The following CAPN8 variants were observed in gnomAD, a reference collection of about 807,000 sequenced individuals.
CAPN8 encodes calpain 8.
CAPN8 carries 87 observed loss-of-function variants against 80.9 expected under a neutral mutation model. The ratio of observed to expected loss-of-function variants is 1.07; its 90% CI spans 0.90 to 1.28. The LOEUF (loss-of-function observed/expected upper bound fraction) is 1.28. Among genes scored for constraint, CAPN8 ranks in the 50% most tolerant of loss-of-function variants. CAPN8 has a pLI of 0.00. For synonymous variants in CAPN8, 299 were observed against 273.8 expected (o/e 1.09, Z -0.91); for missense variants, 757 against 702.0 (o/e 1.08, Z -0.89).
At chr1:223,642,295 TC>T (rs10707167) in intron 2 of CAPN8, among the ~76,000 whole-genome samples, 27,040 of 152,240 alleles carry the variant, frequency 0.18, 3,002 homozygotes, top group East Asian at 0.29. Flanking sequence ...CTGGTGTTTT[TC>T]TGAACAATGG....
intron 16 of CAPN8, among the ~76,000 whole-genome samples, chr1:223,547,027 C>T (rs2102687779): frequency 6.6e-6 from 1 of 152,266 alleles, no homozygotes; most frequent in Non-Finnish European, 1.5e-5. Flanking sequence ...GATTCTCGTG[C>T]TTCAGCCTCC....
chr1:223,658,153 C>T (rs1299561867), intron 1 of CAPN8, among the ~76,000 whole-genome samples: 1 of 152,170 alleles, frequency 6.6e-6, no homozygotes, highest in Admixed American at 6.5e-5. Flanking sequence ...CTCATGGCTT[C>T]AACTATTAAC....
chr1:223,544,749 C>T (rs1656572019), intron 18 of CAPN8, 23 bp downstream of exon 18: 1 of 1,551,430 alleles, frequency 6.4e-7, no homozygotes, highest in South Asian at 1.2e-5. Flanking sequence ...TCCCAAGACC[C>T]TGTCTACAGG....
intron 1 of CAPN8, among the ~76,000 whole-genome samples, chr1:223,659,159 C>T (rs150205154): frequency 6.6e-6 from 1 of 152,334 alleles, no homozygotes; most frequent in East Asian, 1.9e-4. Flanking sequence ...ATACAGGTAT[C>T]AGTCAAGAAT....
At chr1:223,643,651 C>T (rs1658105292) in intron 2 of CAPN8, among the ~76,000 whole-genome samples, 1 of 152,262 alleles carries the variant, frequency 6.6e-6, no homozygotes, top group African/African-American at 2.4e-5. Context: ...GCCTTTCAAT[C>T]AGAAGCCACT....
Position 223,545,264 on chromosome 1 carries a change from G to A in CAPN8, c.1800C>T (p.Phe600=). 6.4e-7 allele frequency: 1 copy of A among 1,551,646 alleles called. No homozygotes were observed. The highest frequency in any genetic ancestry group is 1.2e-5 in the South Asian group (1 of 84,052). ...TCTGAATCTTCAGCCAGAGCGTCTT[G>A]AATTCCACCGCCCCCAAAGTGCCCG... The part of the protein sequence containing the change: ...NGTGTLGAVE[F]KTLWLKIQKY... Residue 600 remains phenylalanine (F), a synonymous_variant, in exon 17 of 21, where the codon TTC becomes TTT. Transcript: ENST00000366872.
chr1:223,619,288 C>G lies in CAPN8; in HGVS notation c.1135+5G>C, dbSNP rs1395560056. Reference sequence around the variant, plus strand: ...AGGTTGGGCCAAGGCAGCCCTTCACCTTACCTGGGTAGTTCTGGCAGCCCC... The same window carrying G: ...AGGTTGGGCCAAGGCAGCCCTTCACGTTACCTGGGTAGTTCTGGCAGCCCC... On this transcript the variant is annotated splice_donor_5th_base_variant and intron_variant, in intron 9 of 20. Transcript: ENST00000366872. 2.6e-6 allele frequency: 4 copies of G among 1,551,440 alleles called. No homozygotes were observed. Among genetic ancestry groups the G allele is most frequent in the Non-Finnish European group, 2.6e-6 (3 of 1,146,976 alleles).
At chr1:223,624,996 G>A (rs576025031) in intron 6 of CAPN8, among the ~76,000 whole-genome samples, 6 of 152,266 alleles carry the variant, frequency 3.9e-5, no homozygotes, top group Non-Finnish European at 4.4e-5. Flanking sequence ...AGGAGGCTGA[G>A]GCAGGAGAAT....
At chr1:223,646,903 C>G (rs1658208186) in intron 2 of CAPN8, among the ~76,000 whole-genome samples, 1 of 152,118 alleles carries the variant, frequency 6.6e-6, no homozygotes, top group Admixed American at 6.5e-5. Context: ...TTTTAACAAG[C>G]AACACTCTAA....
chr1:223,652,393 A>T (rs1415527345), intron 2 of CAPN8, among the ~76,000 whole-genome samples: 1 of 152,150 alleles, frequency 6.6e-6, no homozygotes, highest in Non-Finnish European at 1.5e-5. Context: ...AGCAGATGAC[A>T]CAGATGACAA....
chr1:223,633,272 T>A (rs1657824389), intron 2 of CAPN8, among the ~76,000 whole-genome samples: 1 of 151,894 alleles, frequency 6.6e-6, no homozygotes, highest in Admixed American at 6.6e-5. Context: ...CAAAATAAAG[T>A]TGGGAATAGC....
rs1399419976 is a variant in CAPN8 at position 223,613,903 on chromosome 1, T to G, written c.1312-1646A>C. 2.6e-5 allele frequency among the ~76,000 whole-genome samples: 4 copies of G among 152,346 alleles called. No homozygotes were observed. The East Asian group carries it at 7.7e-4, about 29-fold the overall frequency. ...ACCTGACTTTTAAACTGTTTTCACT[T>G]ATGGATGTCATGCTCTAAATTATAT... On this transcript the variant is annotated intron_variant, in intron 10 of 20. Transcript: ENST00000366872.
chr1:223,646,300 G>A (rs1282818938), intron 2 of CAPN8, among the ~76,000 whole-genome samples: 1 of 152,220 alleles, frequency 6.6e-6, no homozygotes, highest in Non-Finnish European at 1.5e-5. Context: ...GCTTCCAGAA[G>A]GACCAGCCTT....
chr1:223,638,796 C>T (rs1005374440), intron 2 of CAPN8, among the ~76,000 whole-genome samples: 2 of 152,232 alleles, frequency 1.3e-5, no homozygotes, highest in Non-Finnish European at 2.9e-5. Flanking sequence ...CTGTCCTAAT[C>T]CATTCACCCC....
At chr1:223,543,028 A>T in intron 20 of CAPN8, 80 bp downstream of exon 20, 1 of 1,466,714 alleles carries the variant, frequency 6.8e-7, no homozygotes, top group Middle Eastern at 1.7e-4. Context: ...CAACAGGAAT[A>T]AGCATCACTT....
At chr1:223,547,479 C>A (rs1288128753) in intron 16 of CAPN8, among the ~76,000 whole-genome samples, 1 of 152,028 alleles carries the variant, frequency 6.6e-6, no homozygotes, top group Non-Finnish European at 1.5e-5. Flanking sequence ...AAATGGAGAG[C>A]GACTGGTAAT....
chr1:223,609,419 C>T, intron 11 of CAPN8, 55 bp from the exon 12 acceptor site: 3 of 398,430 alleles, frequency 7.5e-6, no homozygotes, highest in Non-Finnish European at 1.3e-5. Flanking sequence ...AAGATGAGAG[C>T]CCAAGAGTTC....
At chr1:223,631,573 A>G (rs1657775344) in intron 2 of CAPN8, among the ~76,000 whole-genome samples, 1 of 152,236 alleles carries the variant, frequency 6.6e-6, no homozygotes, top group Non-Finnish European at 1.5e-5. Context: ...GCTGACACAC[A>G]GAAGCAGCTC....
At chr1:223,544,594 C>T (rs149999304) in intron 18 of CAPN8, among the ~76,000 whole-genome samples, 178 bp downstream of exon 18, 38 of 152,286 alleles carry the variant, frequency 2.5e-4, no homozygotes, top group Middle Eastern at 3.4e-3. Context: ...TATATGGAAT[C>T]GAGCAATATT....
Sources: gnomAD v4.1 joint callset for allele counts (sites outside exome capture counted in the v4.1 genomes callset) on GRCh38, gnomAD v4.1.1 for gene constraint, MANE v1.5 for transcripts, NCBI Gene and HGNC (gene_info 2026-07-23, HGNC 2026-07-21) for gene names.